Variants in SPOCK1 observed in about 807,000 individuals in gnomAD.
The protein encoded by SPOCK1 is SPARC (osteonectin), cwcv and kazal like domains proteoglycan 1, also known as testican-1.
In SPOCK1, 23 loss-of-function variants were observed where a neutral mutation model predicts 55.3. The ratio of observed to expected loss-of-function variants is 0.42; its 90% CI spans 0.30 to 0.59. The LOEUF (loss-of-function observed/expected upper bound fraction) is 0.59, where lower values mean the gene tolerates loss of function less well. Ranked by LOEUF, SPOCK1 falls within the 20% of genes least tolerant of loss-of-function variation. SPOCK1 has a pLI of 0.22. For missense variants in SPOCK1, 499 were observed against 552.5 expected, an observed-to-expected ratio of 0.90 and a Z score of 0.97; for synonymous variants, 226 against 221.0, an observed-to-expected ratio of 1.02 and a Z score of -0.20.
intron 6 of SPOCK1, among the ~76,000 whole-genome samples, chr5:137,005,077 T>C (rs1333222372): frequency 6.6e-6 from 1 of 152,154 alleles, no homozygotes; most frequent in Admixed American, 6.5e-5. Context: ...GCAAGAAAAT[T>C]AGAGACAGAG....
chr5:137,366,349 C>T (rs902151382), intron 2 of SPOCK1, among the ~76,000 whole-genome samples: 1 of 152,124 alleles, frequency 6.6e-6, no homozygotes, highest in East Asian at 1.9e-4. Flanking sequence ...ATTTACTGAA[C>T]ACTCAGTACC....
chr5:137,269,725 CAA>C (rs1372748416), intron 2 of SPOCK1, among the ~76,000 whole-genome samples: 7 of 151,992 alleles, frequency 4.6e-5, no homozygotes, highest in Non-Finnish European at 1.0e-4. Context: ...AGATAAAAGA[CAA>C]AAGAAAAAAG....
At chr5:137,479,234 A>G (rs1465716376) in intron 2 of SPOCK1, among the ~76,000 whole-genome samples, 1 of 152,170 alleles carries the variant, frequency 6.6e-6, no homozygotes, top group Non-Finnish European at 1.5e-5. Flanking sequence ...AAGGAAATTC[A>G]AGAAGTCTAG....
At chr5:137,327,883 C>G (rs572440224) in intron 2 of SPOCK1, among the ~76,000 whole-genome samples, 1 of 152,254 alleles carries the variant, frequency 6.6e-6, no homozygotes, top group Admixed American at 6.5e-5. Flanking sequence ...TCCAGATCCT[C>G]AAGCCAAAGA....
intron 2 of SPOCK1, among the ~76,000 whole-genome samples, chr5:137,350,343 G>C (rs1401126380): frequency 6.6e-6 from 1 of 152,196 alleles, no homozygotes; most frequent in Non-Finnish European, 1.5e-5. Flanking sequence ...CTATTACTGT[G>C]TAACTAACTA....
intron 2 of SPOCK1, among the ~76,000 whole-genome samples, chr5:137,433,579 T>A (rs1220032135): frequency 2.0e-5 from 3 of 152,162 alleles, no homozygotes; most frequent in Non-Finnish European, 4.4e-5. Context: ...ATGTCACTAT[T>A]GTCTAGGCTA....
At chr5:137,103,547 G>T (rs536806287) in intron 5 of SPOCK1, among the ~76,000 whole-genome samples, 1 of 152,236 alleles carries the variant, frequency 6.6e-6, no homozygotes, top group African/African-American at 2.4e-5. Flanking sequence ...AATGACAGCA[G>T]ACTAAAAGGA....
Position 136,997,190 on chromosome 5 carries a change from C to T in SPOCK1, c.590-4590G>A, listed in dbSNP as rs1201027746. Reference sequence around the variant, plus strand: ...ACGTCTCTGGGATCCACTCCCCAGCCTCATATCTGCTTCTTCCCATAGTCA... The same window carrying T: ...ACGTCTCTGGGATCCACTCCCCAGCTTCATATCTGCTTCTTCCCATAGTCA... On this transcript the variant is annotated intron_variant, in intron 6 of 10. Coordinates refer to ENST00000394945, the MANE Select transcript of SPOCK1 (RefSeq NM_004598.4). Among the ~76,000 whole-genome samples the T allele has an allele frequency of 2.0e-5, 3 of 152,196 alleles. No homozygotes were observed. In the East Asian group the frequency reaches 5.8e-4, roughly 29 times the overall value.
intron 2 of SPOCK1, among the ~76,000 whole-genome samples, chr5:137,444,610 G>A (rs960026384): frequency 4.6e-5 from 7 of 152,072 alleles, no homozygotes; most frequent in Admixed American, 2.0e-4. Flanking sequence ...AGATACAGCC[G>A]GACTCACTCT....
chr5:137,127,461 G>A (rs1254938336), intron 4 of SPOCK1, among the ~76,000 whole-genome samples: 1 of 152,210 alleles, frequency 6.6e-6, no homozygotes, highest in Non-Finnish European at 1.5e-5. Context: ...AAGCCGTGGG[G>A]GCAACACAGC....
At chr5:137,198,749 G>C (rs1268474819) in intron 3 of SPOCK1, among the ~76,000 whole-genome samples, 2 of 151,944 alleles carry the variant, frequency 1.3e-5, no homozygotes, top group African/African-American at 4.8e-5. Flanking sequence ...ATTTTTGACA[G>C]GTTTTAATTT....
intron 3 of SPOCK1, among the ~76,000 whole-genome samples, chr5:137,174,303 C>A (rs1471134040): frequency 6.6e-6 from 1 of 152,210 alleles, no homozygotes; most frequent in Non-Finnish European, 1.5e-5. Context: ...TCATTCCTTT[C>A]CAAGCTTAAA....
intron 3 of SPOCK1, among the ~76,000 whole-genome samples, chr5:137,177,813 G>A (rs75256747): frequency 6.6e-6 from 1 of 151,468 alleles, no homozygotes; most frequent in East Asian, 2.0e-4. Context: ...AGGGAAAGGA[G>A]ATCTCTAGGG....
chr5:137,242,243 G>GT, intron 3 of SPOCK1, among the ~76,000 whole-genome samples: 1 of 152,100 alleles, frequency 6.6e-6, no homozygotes, highest in East Asian at 1.9e-4. Context: ...ATCTTGAATT[G>GT]TAGCTCCCAT....
intron 10 of SPOCK1, 78 bp from the exon 11 acceptor site, chr5:136,978,922 T>C (rs183609610): frequency 2.1e-6 from 3 of 1,451,906 alleles, no homozygotes; most frequent in Non-Finnish European, 2.8e-6. Flanking sequence ...TTTGCCTGAA[T>C]TGTAGGGTAA....
chr5:137,403,658 G>C (rs1486046820), intron 2 of SPOCK1, among the ~76,000 whole-genome samples: 3 of 130,524 alleles, frequency 2.3e-5, no homozygotes, highest in Admixed American at 8.5e-5. Flanking sequence ...GGAAGTGAGA[G>C]AATTGGCCAA....
At chr5:137,209,574 G>C (rs560782767) in intron 3 of SPOCK1, among the ~76,000 whole-genome samples, 1 of 152,316 alleles carries the variant, frequency 6.6e-6, no homozygotes, top group East Asian at 1.9e-4. Context: ...CAGATGAGAA[G>C]TCACTGGGTT....
At chr5:137,305,243 G>A (rs1221437737) in intron 2 of SPOCK1, among the ~76,000 whole-genome samples, 1 of 152,278 alleles carries the variant, frequency 6.6e-6, no homozygotes, top group Non-Finnish European at 1.5e-5. Flanking sequence ...TCTAGTGGTT[G>A]TCGGCCACCC....
rs575827751 is a variant in SPOCK1, at chr5:137,261,620, C to T, written c.232+5390G>A. 9.2e-5 allele frequency among the ~76,000 whole-genome samples: 14 copies of T among 152,326 alleles called. No individual in the cohort carries two copies. The South Asian group carries it at 1.7e-3, about 18-fold the overall frequency. On this transcript the variant is annotated intron_variant, in intron 3 of 10. Coordinates refer to ENST00000394945, the MANE Select transcript of SPOCK1 (RefSeq NM_004598.4). ...TCAATTTCTACAAGTTCACATGCTG[C>T]TTTGAAGATCACCAGCAACATCTGA...
Sources: gnomAD v4.1 joint callset for allele counts (sites outside exome capture counted in the v4.1 genomes callset) on GRCh38, gnomAD v4.1.1 for gene constraint, MANE v1.5 for transcripts, NCBI Gene and HGNC (gene_info 2026-07-23, HGNC 2026-07-21) for gene names.